FGGY: variants seen among roughly 807,000 people sequenced by gnomAD.
The protein encoded by FGGY is FGGY carbohydrate kinase domain-containing protein.
Under a neutral mutation model 71.3 loss-of-function variants are expected in FGGY, and 72 were observed. That is an observed-to-expected ratio of 1.01 (90% CI 0.84 to 1.23). The LOEUF (loss-of-function observed/expected upper bound fraction) is 1.23. Ranked by LOEUF, FGGY falls within the 50% of genes most tolerant of loss-of-function variation. FGGY has a pLI of 0.00. For synonymous variants in FGGY, 251 were observed against 250.3 expected (o/e 1.00, Z -0.02); for missense variants, 668 against 682.3 (o/e 0.98, Z 0.23).
intron 2 of FGGY, among the ~76,000 whole-genome samples, chr1:59,336,540 A>G (rs1201180101): frequency 1.3e-5 from 2 of 150,246 alleles, no homozygotes; most frequent in East Asian, 1.9e-4. Context: ...GGTTTGTTAC[A>G]TAGGTATACA....
intron 8 of FGGY, among the ~76,000 whole-genome samples, chr1:59,597,791 A>G (rs1298619771): frequency 1.3e-5 from 2 of 152,362 alleles, no homozygotes; most frequent in Admixed American, 1.3e-4. Context: ...ACGGAACTCT[A>G]AAGTCTGCAG....
At chr1:59,324,089 T>C (rs1369228816) in intron 2 of FGGY, among the ~76,000 whole-genome samples, 1 of 152,072 alleles carries the variant, frequency 6.6e-6, no homozygotes, top group Non-Finnish European at 1.5e-5. Flanking sequence ...TTCTAATTCC[T>C]TTTCCCTAAG....
intron 8 of FGGY, among the ~76,000 whole-genome samples, chr1:59,606,131 G>T (rs2096621174): frequency 6.6e-6 from 1 of 151,884 alleles, no homozygotes; most frequent in African/African-American, 2.4e-5. Flanking sequence ...GCTATGGTCT[G>T]TTAAAAAATA....
chr1:59,531,842 GAATTA>G (rs2095153440), intron 7 of FGGY, among the ~76,000 whole-genome samples: 1 of 152,162 alleles, frequency 6.6e-6, no homozygotes, highest in Non-Finnish European at 1.5e-5. Flanking sequence ...GCCTGGGTTT[GAATTA>G]AATTAACATC....
At chr1:59,748,735 TG>T (rs1200873957) in intron 14 of FGGY, among the ~76,000 whole-genome samples, 1 of 152,042 alleles carries the variant, frequency 6.6e-6, no homozygotes, top group Admixed American at 6.6e-5. Flanking sequence ...CTAAAATTCT[TG>T]GAATCCCTGC....
At chr1:59,297,229 C>T (rs2042077552) in intron 1 of FGGY, 79 bp downstream of exon 1, 1 of 152,626 alleles carries the variant, frequency 6.6e-6, no homozygotes, top group Admixed American at 6.5e-5. Flanking sequence ...TATTAGGTGT[C>T]TGGAACCCGT....
intron 6 of FGGY, among the ~76,000 whole-genome samples, chr1:59,511,271 T>A (rs1380965777): frequency 9.2e-5 from 14 of 152,152 alleles, no homozygotes; most frequent in Admixed American, 8.5e-4. Context: ...CCAGAGGTCC[T>A]GGAGCACCTC....
At position 59,346,947 on chromosome 1, in the gene FGGY, CTT is replaced by C. The variant is rs71580898; in HGVS notation, c.465+569_465+570del. On this transcript the variant is annotated intron_variant, in intron 4 of 15. Transcript: ENST00000303721. ...TGTGCCCGGCCATCCAAAATCAATT[CTT>C]TTTTTTTTTTTTTTTTTTTAAGTAT... Among the ~76,000 whole-genome samples, 222 of 112,160 alleles carry C rather than the reference CTT, an allele frequency of 2.0e-3. 2 individuals carry two copies. The highest frequency in any genetic ancestry group is 4.9e-3 in the African/African-American group (148 of 30,390). The allele number at this position is 112,160 out of a possible 152,430, so 73.6% of individuals were successfully genotyped here.
intron 14 of FGGY, among the ~76,000 whole-genome samples, chr1:59,694,822 G>A (rs2097642455): frequency 6.6e-6 from 1 of 151,934 alleles, no homozygotes; most frequent in African/African-American, 2.4e-5. Flanking sequence ...ACAGTACCCA[G>A]CTCTAACTAG....
At chr1:59,409,310 T>G (rs2153422862) in intron 5 of FGGY, among the ~76,000 whole-genome samples, 1 of 152,318 alleles carries the variant, frequency 6.6e-6, no homozygotes, top group South Asian at 2.1e-4. Context: ...CCCTTTCATA[T>G]GGACTTTTAT....
At chr1:59,671,562 C>A (rs978079291) in intron 13 of FGGY, among the ~76,000 whole-genome samples, 3 of 152,138 alleles carry the variant, frequency 2.0e-5, no homozygotes, top group Non-Finnish European at 4.4e-5. Context: ...TGGGATTGGT[C>A]TTAGAGGCAA....
At chr1:59,673,343 G>A (rs563331946) in intron 13 of FGGY, among the ~76,000 whole-genome samples, 49 of 152,292 alleles carry the variant, frequency 3.2e-4, no homozygotes, top group African/African-American at 1.1e-3. Flanking sequence ...CATCTAGGAG[G>A]AAGTGTTCCA....
intron 15 of FGGY, among the ~76,000 whole-genome samples, chr1:59,759,085 G>C (rs866135686): frequency 6.6e-6 from 1 of 152,100 alleles, no homozygotes; most frequent in African/African-American, 2.4e-5. Flanking sequence ...GAAGATGAAG[G>C]GGCTGTTGTG....
At chr1:59,363,923 G>A (rs2056091875) in intron 4 of FGGY, among the ~76,000 whole-genome samples, 1 of 152,194 alleles carries the variant, frequency 6.6e-6, no homozygotes, top group South Asian at 2.1e-4. Context: ...CTTTGTCCAT[G>A]CCCAGCGGGA....
intron 4 of FGGY, among the ~76,000 whole-genome samples, chr1:59,348,715 G>A (rs568674380): frequency 2.0e-5 from 3 of 152,300 alleles, no homozygotes; most frequent in East Asian, 3.9e-4. Flanking sequence ...GGGCAGGAGA[G>A]TGGTAGGAAA....
chr1:59,453,482 A>G (rs1361461390), intron 5 of FGGY, among the ~76,000 whole-genome samples: 2 of 152,182 alleles, frequency 1.3e-5, no homozygotes, highest in African/African-American at 4.8e-5. Flanking sequence ...TGACTCATGG[A>G]CAGCTCATTT....
intron 14 of FGGY, among the ~76,000 whole-genome samples, chr1:59,683,959 G>C (rs1411037789): frequency 6.6e-6 from 1 of 152,198 alleles, no homozygotes; most frequent in East Asian, 1.9e-4. Flanking sequence ...GCTCTCCTCT[G>C]CTGCTGGAGA....
chr1:59,484,014 C>T (rs968630291), intron 6 of FGGY, among the ~76,000 whole-genome samples: 1 of 152,094 alleles, frequency 6.6e-6, no homozygotes, highest in Non-Finnish European at 1.5e-5. Flanking sequence ...CAGGGACTGT[C>T]GCCAAACATT....
intron 1 of FGGY, chr1:59,310,293 A>T (rs1032592316): frequency 1.8e-4 from 28 of 152,196 alleles, no homozygotes; most frequent in African/African-American, 6.5e-4. Context: ...GTAGAAAATC[A>T]TTTCATAGTT....
Sources: gnomAD v4.1 joint callset for allele counts (sites outside exome capture counted in the v4.1 genomes callset) on GRCh38, gnomAD v4.1.1 for gene constraint, MANE v1.5 for transcripts, NCBI Gene and HGNC (gene_info 2026-07-23, HGNC 2026-07-21) for gene names.